Variants in RFC3 observed in about 807,000 individuals in gnomAD.
The protein encoded by RFC3 is A1 38 kDa subunit.
In RFC3, 41 loss-of-function variants were observed where a neutral mutation model predicts 45.1. The observed-to-expected ratio is 0.91, with a 90% CI of 0.71 to 1.18. The LOEUF is 1.18. Ranked by LOEUF, RFC3 falls within the 50% of genes most tolerant of loss-of-function variation. The probability of loss-of-function intolerance (pLI) is 0.00; values close to 1 mark genes in which losing one functional copy is unlikely to be tolerated. For missense variants in RFC3, 423 were observed against 428.1 expected (o/e 0.99, Z 0.10); for synonymous variants, 149 against 144.0 (o/e 1.03, Z -0.25).
chr13:33,852,410 G>A (rs1026607418), intron 8 of RFC3, among the ~76,000 whole-genome samples: 4 of 152,192 alleles, frequency 2.6e-5, no homozygotes, highest in Non-Finnish European at 4.4e-5. Flanking sequence ...ACCTAAAACC[G>A]TGTCTTCTGG....
rs186847558 is a variant in RFC3 at position 33,942,377 on chromosome 13, G to A, written c.880-23710G>A. 2.6e-5 allele frequency among the ~76,000 whole-genome samples: 4 copies of A among 152,000 alleles called. No individual in the cohort carries two copies. In the East Asian group the frequency reaches 7.7e-4, roughly 29 times the overall value. ...TTGTCTATATTTACGGGGTACATGC[G>A]ATGCTTTGATACAGGCATACAATGT... On this transcript the variant is annotated intron_variant, in intron 8 of 8. Coordinates refer to the RFC3 transcript ENST00000434425.
At chr13:33,844,806 A>AGT (rs1456696214) in intron 8 of RFC3, among the ~76,000 whole-genome samples, 3 of 152,302 alleles carry the variant, frequency 2.0e-5, no homozygotes, top group South Asian at 4.1e-4. Flanking sequence ...AGATATGGAT[A>AGT]GTTTACACAC....
downstream of RFC3, among the ~76,000 whole-genome samples, chr13:33,968,137 C>T (rs1014505720): frequency 1.3e-5 from 2 of 151,848 alleles, no homozygotes; most frequent in South Asian, 4.2e-4. Flanking sequence ...GCATTTACTC[C>T]TTTTTTTTGA....
At chr13:33,849,039 G>A (rs2082258503) in intron 8 of RFC3, 1 of 134,366 alleles carries the variant, frequency 7.4e-6, no homozygotes, top group South Asian at 2.6e-4. Context: ...GATGAATGCA[G>A]GATGATAGAT....
intron 8 of RFC3, among the ~76,000 whole-genome samples, chr13:33,951,039 C>CTTTTTTTTT (rs926664684): frequency 4.9e-5 from 3 of 60,816 alleles, no homozygotes; most frequent in East Asian, 6.2e-4. Flanking sequence ...TCTGATGGCT[C>CTTTTTTTTT]TTTTTTTTTT....
chr13:33,917,610 C>T (rs567035903), intron 8 of RFC3, among the ~76,000 whole-genome samples: 34 of 152,200 alleles, frequency 2.2e-4, no homozygotes, highest in African/African-American at 7.2e-4. Context: ...ACCTGGTGGT[C>T]GTGGCTCAGA....
At chr13:33,954,269 T>A (rs932645022) in intron 8 of RFC3, among the ~76,000 whole-genome samples, 1 of 152,218 alleles carries the variant, frequency 6.6e-6, no homozygotes, top group African/African-American at 2.4e-5. Context: ...GGCACAATTA[T>A]TAGAGTTTCA....
intron 8 of RFC3, among the ~76,000 whole-genome samples, chr13:33,851,074 C>T (rs1222814505): frequency 6.6e-6 from 1 of 152,150 alleles, no homozygotes; most frequent in East Asian, 1.9e-4. Flanking sequence ...AAATTAACAT[C>T]ATGAACTAGA....
At chr13:33,831,399 A>G (rs1255960668) in intron 7 of RFC3, 45 bp downstream of exon 7, 1 of 987,082 alleles carries the variant, frequency 1.0e-6, no homozygotes, top group African/African-American at 1.6e-5. Flanking sequence ...TTATCAGGAT[A>G]TCATAGGACA....
At chr13:33,917,730 T>C (rs577091023) in intron 8 of RFC3, among the ~76,000 whole-genome samples, 12 of 152,258 alleles carry the variant, frequency 7.9e-5, no homozygotes, top group African/African-American at 2.9e-4. Flanking sequence ...TGCAAACCTT[T>C]CCTGATAACA....
chr13:33,835,287 CT>C, intron 8 of RFC3, 70 bp downstream of exon 8: 1 of 920,326 alleles, frequency 1.1e-6, no homozygotes, highest in Non-Finnish European at 1.8e-6. Context: ...GATCATAGGG[CT>C]TTTTGCAGTA....
At chr13:33,943,850 A>G (rs1296332985) in intron 8 of RFC3, among the ~76,000 whole-genome samples, 1 of 152,130 alleles carries the variant, frequency 6.6e-6, no homozygotes, top group East Asian at 1.9e-4. Flanking sequence ...ACCATATTGT[A>G]TTGGTTAGAA....
intron 8 of RFC3, among the ~76,000 whole-genome samples, chr13:33,935,437 A>G (rs1458444559): frequency 6.6e-6 from 1 of 152,184 alleles, no homozygotes; most frequent in Non-Finnish European, 1.5e-5. Context: ...ATAGCTGCTG[A>G]TCTGAAGTCA....
downstream of RFC3, among the ~76,000 whole-genome samples, chr13:33,840,421 G>C (rs1395215090): frequency 1.3e-5 from 2 of 152,052 alleles, no homozygotes; most frequent in Non-Finnish European, 2.9e-5. Flanking sequence ...TCTGAAGTCT[G>C]TCTGCTTATT....
chr13:33,858,983 G>A (rs1008709739), intron 8 of RFC3, among the ~76,000 whole-genome samples: 1 of 152,154 alleles, frequency 6.6e-6, no homozygotes, highest in Non-Finnish European at 1.5e-5. Flanking sequence ...TGCACACTCA[G>A]TCGTATGTGT....
At chr13:33,847,760 A>T (rs1295448052) in intron 8 of RFC3, 3 of 152,130 alleles carry the variant, frequency 2.0e-5, no homozygotes, top group African/African-American at 4.8e-5. Context: ...TCTAAAAGGG[A>T]TGTATGTATG....
At chr13:33,956,511 G>T (rs1593717658) in intron 8 of RFC3, among the ~76,000 whole-genome samples, 2 of 152,336 alleles carry the variant, frequency 1.3e-5, no homozygotes, top group Admixed American at 1.3e-4. Context: ...ATATGCTACA[G>T]GAGATGTTCT....
At chr13:33,826,533 T>C (rs1042317690) in intron 4 of RFC3, among the ~76,000 whole-genome samples, 1 of 152,212 alleles carries the variant, frequency 6.6e-6, no homozygotes, top group African/African-American at 2.4e-5. Context: ...TTTATTGTTT[T>C]GTGAATTCGC....
chr13:33,967,199 G>C (rs2083092275), downstream of RFC3, among the ~76,000 whole-genome samples: 2 of 151,746 alleles, frequency 1.3e-5, no homozygotes, highest in Admixed American at 1.3e-4. Flanking sequence ...AAAACATTAG[G>C]GATAAACTAA....
Sources: gnomAD v4.1 joint callset for allele counts (sites outside exome capture counted in the v4.1 genomes callset) on GRCh38, gnomAD v4.1.1 for gene constraint, MANE v1.5 for transcripts, NCBI Gene and HGNC (gene_info 2026-07-23, HGNC 2026-07-21) for gene names.